The following QRSL1 variants were observed in gnomAD, a reference collection of about 807,000 sequenced individuals.
QRSL1 encodes glutamyl-tRNA(Gln) amidotransferase subunit A, mitochondrial.
A neutral mutation model predicts 61.6 loss-of-function variants in QRSL1; 54 were observed. That is an observed-to-expected ratio of 0.88 (90% CI 0.70 to 1.10). The LOEUF (loss-of-function observed/expected upper bound fraction) is 1.10. QRSL1 is among the 50% of genes least tolerant of loss of function. The probability of loss-of-function intolerance (pLI) is 0.00; values close to 1 mark genes in which losing one functional copy is unlikely to be tolerated. For synonymous variants in QRSL1, 228 were observed against 225.7 expected (o/e 1.01, Z -0.09); for missense variants, 505 against 622.6 (o/e 0.81, Z 2.01).
chr6:106,639,111 GTTTTGTTGTTTTTTT>G (rs1429090814), intron 1 of QRSL1, among the ~76,000 whole-genome samples: 1 of 60,750 alleles, frequency 1.6e-5, no homozygotes, highest in African/African-American at 6.7e-5. Context: ...TTATTTGTGT[GTTTTGTTGTTTTTTT>G]TTTTTTTTTT....
intron 9 of QRSL1, among the ~76,000 whole-genome samples, chr6:106,658,532 C>T (rs539796330): frequency 1.1e-4 from 17 of 151,922 alleles, no homozygotes; most frequent in African/African-American, 3.9e-4. Context: ...TAAGCCTGAG[C>T]GACAGAGCGA....
intron 8 of QRSL1, among the ~76,000 whole-genome samples, 164 bp downstream of exon 8, chr6:106,655,086 A>G (rs561008024): frequency 5.1e-4 from 77 of 152,320 alleles, no homozygotes; most frequent in African/African-American, 1.7e-3. Flanking sequence ...TACTTACACT[A>G]TTTGTCATAA....
At chr6:106,644,734 G>A (rs936282298) in intron 4 of QRSL1, among the ~76,000 whole-genome samples, 1 of 152,120 alleles carries the variant, frequency 6.6e-6, no homozygotes, top group Non-Finnish European at 1.5e-5. Flanking sequence ...TGGCCAGGCT[G>A]GTCTCAAACT....
chr6:106,652,922 C>T (rs1168052987), intron 7 of QRSL1: 1 of 595,688 alleles, frequency 1.7e-6, no homozygotes. Context: ...AGAAAGCAGC[C>T]ACAGACAATA....
intron 8 of QRSL1, among the ~76,000 whole-genome samples, 173 bp from the exon 9 acceptor site, chr6:106,655,442 G>A (rs1582418128): frequency 6.7e-6 from 1 of 149,412 alleles, no homozygotes; most frequent in Admixed American, 6.7e-5. Context: ...CTTGACAAGG[G>A]AGGCAGAACT....
intron 1 of QRSL1, among the ~76,000 whole-genome samples, chr6:106,636,413 C>T (rs908870708): frequency 7.2e-5 from 11 of 151,730 alleles, no homozygotes; most frequent in East Asian, 1.9e-4. Flanking sequence ...ATCTGCCTCC[C>T]GGGTTCAAGC....
At chr6:106,635,428 C>T (rs990431916) in intron 1 of QRSL1, among the ~76,000 whole-genome samples, 1 of 152,108 alleles carries the variant, frequency 6.6e-6, no homozygotes, top group Non-Finnish European at 1.5e-5. Context: ...GTGGAGCTTG[C>T]TGGTGATCTT....
intron 9 of QRSL1, among the ~76,000 whole-genome samples, chr6:106,661,869 G>A (rs1222310347): frequency 3.3e-5 from 5 of 151,598 alleles, no homozygotes; most frequent in African/African-American, 7.3e-5. Flanking sequence ...GAGCCACCAC[G>A]CCCGGCTAAT....
chr6:106,633,962 A>G (rs1776879704), intron 1 of QRSL1, among the ~76,000 whole-genome samples: 1 of 149,580 alleles, frequency 6.7e-6, no homozygotes, highest in South Asian at 2.1e-4. Flanking sequence ...AAAAAAAAAA[A>G]GTAAATGATA....
chr6:106,661,687 T>C (rs1006484341), intron 9 of QRSL1, among the ~76,000 whole-genome samples: 27 of 4,688 alleles, frequency 5.8e-3, no homozygotes, highest in African/African-American at 0.018. Flanking sequence ...TGGTTAGTTC[T>C]TTTTTTTTTT....
In QRSL1 at chr6:106,649,033, G is replaced by A; in HGVS notation, c.389G>A (p.Ser130Asn). 6.2e-7 allele frequency: 1 copy of A among 1,609,714 alleles called. No homozygotes were observed. Among genetic ancestry groups the A allele is most frequent in the Non-Finnish European group, 8.5e-7 (1 of 1,177,522 alleles). ...CTTCACTTCGTCATCAGATCTGGGAGCACAGATGGTGTATTTGGACCAGTT... is the reference window on the plus strand; with the variant it reads ...CTTCACTTCGTCATCAGATCTGGGAACACAGATGGTGTATTTGGACCAGTT... ...NLDEFAMGSG[S>N]TDGVFGPVKN... is the part of the protein sequence containing the mutation. The change falls in exon 5 of 11, where the codon AGC becomes AAC. Residue 130 changes from serine (S) to asparagine (N), a missense_variant. Ser to Asn is a conservative substitution (Grantham distance 46, BLOSUM62 1). Coordinates refer to ENST00000369046, the MANE Select transcript of QRSL1 (RefSeq NM_018292.5).
chr6:106,636,774 A>G (rs1348435897), intron 1 of QRSL1, among the ~76,000 whole-genome samples: 3 of 152,370 alleles, frequency 2.0e-5, no homozygotes, highest in Middle Eastern at 3.4e-3. Flanking sequence ...AGCTATTATT[A>G]ACATTAATTT....
At chr6:106,633,271 C>T (rs977522207) in intron 1 of QRSL1, among the ~76,000 whole-genome samples, 7 of 152,182 alleles carry the variant, frequency 4.6e-5, no homozygotes, top group Non-Finnish European at 8.8e-5. Flanking sequence ...CATCACTGTA[C>T]TGTTGCCCTA....
intron 9 of QRSL1, among the ~76,000 whole-genome samples, chr6:106,656,724 G>A (rs1230308488): frequency 4.6e-5 from 7 of 152,102 alleles, no homozygotes; most frequent in Non-Finnish European, 7.4e-5. Context: ...TGAAGTGATC[G>A]CAGCTCACCG....
Position 106,663,122 on chromosome 6 carries a change from A to G in QRSL1, c.1303A>G (p.Lys435Glu). The change falls in exon 10 of 11, where the codon AAA (lysine) becomes GAA (glutamate). Residue 435 changes from lysine to glutamate, a missense_variant. By Grantham distance (56) the Lys-to-Glu change is moderately conservative (BLOSUM62 1). Coordinates refer to ENST00000369046, the MANE Select transcript of QRSL1 (RefSeq NM_018292.5). ...GGCAGTACCATACTTGGAGTTCATC[A>G]AAGAGGACAACAGAACCCGAAGTGC... ...SEAVPYLEFIKEDNRTRSAQD... is the reference protein window; with the variant it reads ...SEAVPYLEFIEEDNRTRSAQD... 1 of 1,614,192 alleles carries G rather than the reference A, an allele frequency of 6.2e-7. No homozygotes were observed. The highest frequency in any genetic ancestry group is 8.5e-7 in the Non-Finnish European group (1 of 1,180,030).
At chr6:106,651,828 A>G (rs1777191016) in intron 5 of QRSL1, among the ~76,000 whole-genome samples, 1 of 152,336 alleles carries the variant, frequency 6.6e-6, no homozygotes, top group Middle Eastern at 3.4e-3. Flanking sequence ...AATGGACTTT[A>G]AAATACCAGG....
At position 106,636,318 on chromosome 6, in the gene QRSL1, C is replaced by CTT. The variant is rs869032477; in HGVS notation, c.25-4011_25-4010dup. Among the ~76,000 whole-genome samples the CTT allele has an allele frequency of 9.8e-4, 129 of 131,774 alleles. 1 individual carries two copies. Among genetic ancestry groups the CTT allele is most frequent in the African/African-American group, 3.2e-3 (114 of 35,868 alleles). 86.4% of individuals were successfully genotyped at this position (131,774 alleles called of 152,430 possible). A position where few individuals can be genotyped will look rare whatever the true frequency, so the allele number is the denominator to read the frequency against. ...CCTCGGTTGAATCCCAGCTCTGCTA[C>CTT]TTTTTTTTTTTTTTTTTTTTTAAGA... is the stretch of plus-strand genomic sequence containing the variant. On this transcript the variant is annotated intron_variant, in intron 1 of 10. Transcript: ENST00000369046.
chr6:106,633,385 C>A (rs1776867225), intron 1 of QRSL1, among the ~76,000 whole-genome samples: 1 of 151,880 alleles, frequency 6.6e-6, no homozygotes, highest in South Asian at 2.1e-4. Context: ...ATTTTTCCAC[C>A]CATTGTTGTA....
At chr6:106,637,376 G>C (rs1217470687) in intron 1 of QRSL1, among the ~76,000 whole-genome samples, 1 of 152,196 alleles carries the variant, frequency 6.6e-6, no homozygotes, top group East Asian at 1.9e-4. Flanking sequence ...GGTGTACATG[G>C]ACTTGAAATA....
Sources: gnomAD v4.1 joint callset for allele counts (sites outside exome capture counted in the v4.1 genomes callset) on GRCh38, gnomAD v4.1.1 for gene constraint, MANE v1.5 for transcripts, NCBI Gene and HGNC (gene_info 2026-07-23, HGNC 2026-07-21) for gene names.